Variants in ZNF777 observed in about 807,000 individuals in gnomAD.
ZNF777 encodes zinc finger protein 777.
A neutral mutation model predicts 72.1 loss-of-function variants in ZNF777; 7 were observed. The observed-to-expected ratio is 0.10, with a 90% CI of 0.06 to 0.18. ZNF777 has a LOEUF of 0.18. Ranked by LOEUF, ZNF777 falls within the 10% of genes least tolerant of loss-of-function variation. The pLI is 1.00. For missense variants in ZNF777, 828 were observed against 1,128.6 expected (o/e 0.73, Z 3.82); for synonymous variants, 545 against 483.5 (o/e 1.13, Z -1.67).
At chr7:149,434,359 C>T (rs1585687257) in intron 5 of ZNF777, among the ~76,000 whole-genome samples, 1 of 152,274 alleles carries the variant, frequency 6.6e-6, no homozygotes, top group Non-Finnish European at 1.5e-5. Context: ...TGTGCTGAGT[C>T]AAGGCTGCCT....
intron 4 of ZNF777, among the ~76,000 whole-genome samples, chr7:149,447,185 T>C (rs1799619041): frequency 6.6e-6 from 1 of 152,208 alleles, no homozygotes; most frequent in African/African-American, 2.4e-5. Flanking sequence ...TCCCCGAATC[T>C]GCCCCAAAAG....
chr7:149,458,287 C>G (rs541960541), intron 1 of ZNF777, among the ~76,000 whole-genome samples: 3 of 152,192 alleles, frequency 2.0e-5, no homozygotes, highest in East Asian at 3.8e-4. Flanking sequence ...CCTCTGAACT[C>G]TTCATTCCCT....
At chr7:149,458,742 A>G (rs74644268) in intron 1 of ZNF777, among the ~76,000 whole-genome samples, 1 of 152,240 alleles carries the variant, frequency 6.6e-6, no homozygotes, top group Non-Finnish European at 1.5e-5. Flanking sequence ...GCTATAATTT[A>G]ATCCATCCCG....
intron 4 of ZNF777, among the ~76,000 whole-genome samples, chr7:149,440,097 G>A (rs757018664): frequency 7.2e-5 from 11 of 152,070 alleles, no homozygotes; most frequent in Non-Finnish European, 1.5e-4. Flanking sequence ...TATATGCCAC[G>A]AAGATCACAT....
At chr7:149,458,410 G>A (rs1563241903) in intron 1 of ZNF777, among the ~76,000 whole-genome samples, 2 of 152,072 alleles carry the variant, frequency 1.3e-5, no homozygotes, top group African/African-American at 4.8e-5. Flanking sequence ...GGAGATTAGG[G>A]TATCTGCCTA....
chr7:149,440,688 T>G (rs559542706), intron 4 of ZNF777, among the ~76,000 whole-genome samples: 4,772 of 150,012 alleles, frequency 0.032, 224 homozygotes, highest in African/African-American at 0.082. Flanking sequence ...TTTTTTTTTT[T>G]TTTTAAATAA....
At chr7:149,433,772 C>T (rs1216693189) in intron 5 of ZNF777, among the ~76,000 whole-genome samples, 1 of 152,218 alleles carries the variant, frequency 6.6e-6, no homozygotes, top group Non-Finnish European at 1.5e-5. Context: ...ATGCCCCACC[C>T]GGGGATGCCC....
chr7:149,436,457 T>C lies in ZNF777; in HGVS notation c.1339+118A>G. 2 of 1,234,846 alleles carry C rather than the reference T, an allele frequency of 1.6e-6. No homozygotes were observed. The highest frequency in any genetic ancestry group is 2.2e-6 in the Non-Finnish European group (2 of 893,438). The allele number at this position is 1,234,846 out of a possible 1,614,324, so 76.5% of individuals were successfully genotyped here. On this transcript the variant is annotated intron_variant, in intron 5 of 5. Transcript: ENST00000247930. The surrounding 1 kb of genome is among the most constrained non-coding windows in gnomAD (Gnocchi z 5.0). ...CCGTGCTTGGTAATTCTTTCCCACC[T>C]GTTGCCCCATCAGTGTCCAGCTACC...
In ZNF777 at chr7:149,432,595, G is replaced by C; in HGVS notation, c.1677C>G (p.Ile559Met). The C allele has an allele frequency of 6.2e-7, 1 of 1,613,768 alleles. No homozygotes were observed. The highest frequency in any genetic ancestry group is 8.5e-7 in the Non-Finnish European group (1 of 1,179,804). Residue 559 changes from isoleucine (I) to methionine (M), a missense_variant, in exon 6 of 6, where the codon ATC (isoleucine) becomes ATG (methionine). This residue lies in a region of ZNF777 where 22 missense variants were observed against 48.3 expected (regional missense o/e 0.46). Transcript: ENST00000247930. ...GGTTGCGCTGGTGGATGATGAGGTT[G>C]ATCTTCAGGCGGAAGCTCTTGCCGC... ...MECGKSFRLK[I>M]NLIIHQRNHI...
chr7:149,432,376 G>GCCA lies in ZNF777; in HGVS notation c.1893_1895dup (p.Gly632dup). The GCCA allele has an allele frequency of 3.1e-6, 5 of 1,612,880 alleles. No homozygotes were observed. Among genetic ancestry groups the GCCA allele is most frequent in the Admixed American group, 1.7e-5 (1 of 60,034 alleles). ...ACTCGGGGCACTTGTAGGGCTTAGG[G>GCCA]CCACCGCCGCCGCTACCAGAGCTGG... On this transcript the variant is annotated inframe_insertion, in exon 6 of 6. Transcript: ENST00000247930.
intron 4 of ZNF777, among the ~76,000 whole-genome samples, chr7:149,446,390 G>C (rs1411951960): frequency 6.6e-6 from 1 of 152,048 alleles, no homozygotes; most frequent in African/African-American, 2.4e-5. Context: ...AAAAAAGGAA[G>C]GATTTGGGAA....
Position 149,455,178 on chromosome 7 carries a change from T to C in ZNF777, c.845A>G (p.Lys282Arg). 6.2e-7 allele frequency: 1 copy of C among 1,610,634 alleles called. No homozygotes were observed. ...LPPGSNGEVP[K>R]VPVTFDDVAV... Reference sequence around the variant, plus strand: ...AAGCCCCAGTTGGGATGTGCTTACCTTGGGAACTTCTCCATTGCTGCCGGG... The same window carrying C: ...AAGCCCCAGTTGGGATGTGCTTACCCTGGGAACTTCTCCATTGCTGCCGGG... The change falls in exon 2 of 6, where the codon AAG (lysine) becomes AGG (arginine). Residue 282 changes from lysine to arginine, a missense_variant and splice_region_variant. By Grantham distance (26) the Lys-to-Arg change is conservative. Around this residue, in one of 12 missense-constraint regions of ZNF777, gnomAD observed 76 missense variants for 157.3 expected, o/e 0.48. Coordinates refer to ENST00000247930, the MANE Select transcript of ZNF777 (RefSeq NM_015694.3). The surrounding 1 kb of genome is among the most constrained non-coding windows in gnomAD (Gnocchi z 4.2).
intron 4 of ZNF777, among the ~76,000 whole-genome samples, chr7:149,444,833 A>T (rs1799577402): frequency 6.6e-6 from 1 of 152,196 alleles, no homozygotes; most frequent in Non-Finnish European, 1.5e-5. Flanking sequence ...AGTTGCTCTG[A>T]AATTCCGTGC....
chr7:149,450,198 T>C (rs1047892478), intron 4 of ZNF777, among the ~76,000 whole-genome samples: 2 of 152,100 alleles, frequency 1.3e-5, no homozygotes, highest in African/African-American at 4.8e-5. Flanking sequence ...CCAAAGGCAG[T>C]TCCAAAGCAG....
intron 1 of ZNF777, among the ~76,000 whole-genome samples, chr7:149,458,266 C>T (rs1275019070): frequency 1.3e-5 from 2 of 152,174 alleles, no homozygotes; most frequent in African/African-American, 2.4e-5. Context: ...GGCTCATCAA[C>T]AGCTAAGCCA....
intron 4 of ZNF777, among the ~76,000 whole-genome samples, chr7:149,448,868 T>C (rs900572399): frequency 3.3e-5 from 5 of 152,112 alleles, no homozygotes; most frequent in African/African-American, 1.2e-4. Flanking sequence ...TGAATCATCT[T>C]TACATCTCTT....
rs1049216431 is a variant in ZNF777 at position 149,437,108 on chromosome 7, T to C, written c.1088-282A>G. ...AATATTCAGCATTGTCAGGGTTTAT[T>C]TTTACTCTTATTTTTTCAATAGAGA... On this transcript the variant is annotated intron_variant, in intron 4 of 5. Transcript: ENST00000247930. Among the ~76,000 whole-genome samples, 5 of 152,168 alleles carry C rather than the reference T, an allele frequency of 3.3e-5. No individual in the cohort carries two copies. The East Asian group carries it at 9.7e-4, about 29-fold the overall frequency.
intron 4 of ZNF777, among the ~76,000 whole-genome samples, chr7:149,447,574 T>C (rs939778403): frequency 1.3e-4 from 20 of 152,178 alleles, no homozygotes; most frequent in Admixed American, 1.2e-3. Flanking sequence ...TGCCAGAATA[T>C]ATCTTGACAA....
chr7:149,454,647 G>C (rs1799786173), intron 2 of ZNF777, among the ~76,000 whole-genome samples: 1 of 152,212 alleles, frequency 6.6e-6, no homozygotes, highest in Admixed American at 6.5e-5. Flanking sequence ...CACTGAAGAA[G>C]AGAAAGCAAG....
Sources: allele counts gnomAD v4.1 joint callset (sites outside exome capture counted in the v4.1 genomes callset), GRCh38; gene constraint gnomAD v4.1.1; regional missense constraint gnomAD v4.1.1; non-coding constraint Gnocchi (gnomAD v3.1); transcripts MANE v1.5; gene names NCBI Gene and HGNC (gene_info 2026-07-23, HGNC 2026-07-21).